The following OTOA variants were observed in gnomAD, a reference collection of about 807,000 sequenced individuals.
The protein encoded by OTOA is otoancorin, also known as cancer/testis antigen 108.
OTOA carries 70 observed loss-of-function variants against 110.8 expected under a neutral mutation model. That is an observed-to-expected ratio of 0.63 (90% CI 0.52 to 0.77). The LOEUF is 0.77. Among genes scored for constraint, OTOA ranks in the 30% least tolerant of loss-of-function variants. The pLI, the probability that OTOA is intolerant of heterozygous loss-of-function variation, is 0.00. For synonymous variants in OTOA, 373 were observed against 431.5 expected (o/e 0.86, Z 1.68); for missense variants, 917 against 1,075.8 (o/e 0.85, Z 2.06).
intron 12 of OTOA, among the ~76,000 whole-genome samples, chr16:21,708,034 G>A (rs977200690): frequency 1.3e-4 from 19 of 151,666 alleles, no homozygotes; most frequent in African/African-American, 3.6e-4. Context: ...CTCGTGATCC[G>A]CCTGCCATGG....
At chr16:21,756,286 T>C (rs551888213) in intron 27 of OTOA, among the ~76,000 whole-genome samples, 1 of 151,876 alleles carries the variant, frequency 6.6e-6, no homozygotes, top group African/African-American at 2.4e-5. Context: ...CCAACTCATG[T>C]TGTCCATAGC....
At chr16:21,693,123 G>T (rs1897865974) in intron 9 of OTOA, among the ~76,000 whole-genome samples, 1 of 151,998 alleles carries the variant, frequency 6.6e-6, no homozygotes, top group Admixed American at 6.6e-5. Flanking sequence ...CAAAAGCCAG[G>T]TGTGGTGGCG....
intron 2 of OTOA, 126 bp from the exon 3 acceptor site, chr16:21,678,789 A>G (rs1441341353): frequency 7.7e-6 from 10 of 1,293,456 alleles, no homozygotes; most frequent in Non-Finnish European, 1.0e-5. Context: ...GTGGACAGTT[A>G]TAATTAAAAT....
chr16:21,725,405 C>T (rs565349554), intron 18 of OTOA, among the ~76,000 whole-genome samples: 53 of 152,214 alleles, frequency 3.5e-4, no homozygotes, highest in Admixed American at 1.0e-3. Flanking sequence ...CCACTTCAGC[C>T]TCTAGAGTAG....
At chr16:21,714,207 CTCTT>C (rs1335905143) in intron 13 of OTOA, among the ~76,000 whole-genome samples, 2 of 151,098 alleles carry the variant, frequency 1.3e-5, no homozygotes, top group African/African-American at 2.5e-5. Context: ...TTCTTTCTTT[CTCTT>C]TCTTTCTCTC....
chr16:21,687,431 A>C lies in OTOA; in HGVS notation c.418A>C (p.Ile140Leu), dbSNP rs528287058. 1.4e-5 allele frequency: 22 copies of C among 1,614,044 alleles called. No homozygotes were observed. In the East Asian group the frequency reaches 4.7e-4, roughly 34 times the overall value. Reference protein sequence around the residue: ...KDGLDLKDIIIDLGEIRERAL... With the variant: ...KDGLDLKDIILDLGEIRERAL... ...GCTTTAGGACCTGAAAGACATCATC[A>C]TCGACTTAGGAGAGATTCGAGAACG... is the stretch of plus-strand genomic sequence containing the variant. The change falls in exon 8 of 29, where the codon ATC becomes CTC. Residue 140 changes from isoleucine (I) to leucine (L), a missense_variant. Coordinates refer to ENST00000646100, the MANE Select transcript of OTOA (RefSeq NM_144672.4).
chr16:21,684,765 A>ATTTTTT (rs10597623), intron 6 of OTOA, among the ~76,000 whole-genome samples: 15 of 33,824 alleles, frequency 4.4e-4, no homozygotes, highest in African/African-American at 1.1e-3. Context: ...TATTATTATT[A>ATTTTTT]TTTTTTAGGT....
intron 1 of OTOA, among the ~76,000 whole-genome samples, chr16:21,674,744 G>A (rs555926472): frequency 6.6e-6 from 1 of 151,242 alleles, no homozygotes; most frequent in South Asian, 2.1e-4. Context: ...CTTCCCATGT[G>A]TTTATTTGCT....
intron 9 of OTOA, among the ~76,000 whole-genome samples, chr16:21,693,580 A>G (rs1897876456): frequency 6.6e-6 from 1 of 152,092 alleles, no homozygotes; most frequent in Non-Finnish European, 1.5e-5. Flanking sequence ...GCGGCTATGA[A>G]GAAAATAAAA....
intron 18 of OTOA, 122 bp downstream of exon 18, chr16:21,723,100 C>T: frequency 1.1e-6 from 1 of 930,706 alleles, no homozygotes; most frequent in Non-Finnish European, 1.7e-6. Context: ...TGGAGGATGC[C>T]TTAGAGAGTT....
At chr16:21,695,891 A>ATATATATTTT (rs569493650) in intron 9 of OTOA, among the ~76,000 whole-genome samples, 26 of 41,896 alleles carry the variant, frequency 6.2e-4, no homozygotes, top group East Asian at 1.2e-3. Flanking sequence ...ATATATATAT[A>ATATATATTTT]TTTTTTTTTT....
At chr16:21,695,868 T>G (rs1238612662) in intron 9 of OTOA, among the ~76,000 whole-genome samples, 2 of 65,332 alleles carry the variant, frequency 3.1e-5, no homozygotes, top group African/African-American at 7.3e-5. Flanking sequence ...AGACTTGAGA[T>G]ATATATATAT....
intron 9 of OTOA, among the ~76,000 whole-genome samples, chr16:21,695,105 T>G (rs1391208644): frequency 1.3e-5 from 2 of 152,184 alleles, no homozygotes; most frequent in East Asian, 3.9e-4. Context: ...GTTAAAAATA[T>G]CCCAACCTTG....
At chr16:21,714,880 TA>T in intron 13 of OTOA, 104 bp from the exon 14 acceptor site, 5 of 1,461,172 alleles carry the variant, frequency 3.4e-6, no homozygotes, top group Non-Finnish European at 4.8e-6. Flanking sequence ...GCTGTGCCCC[TA>T]AGGTGTCACC....
rs530011814 is a variant in OTOA, at chr16:21,684,431, C to A, written c.268-799C>A. On this transcript the variant is annotated intron_variant, in intron 6 of 28. Transcript: ENST00000646100. Reference sequence around the variant, plus strand: ...GGGGCGCCACAGAGTATGTTCATTTCGCCTGTATTTTGCTCCTGCGCTGGT... The same window carrying A: ...GGGGCGCCACAGAGTATGTTCATTTAGCCTGTATTTTGCTCCTGCGCTGGT... 1.6e-3 allele frequency: 2,408 copies of A among 1,533,314 alleles called. 60 individuals are homozygous for A. The South Asian group carries it at 0.026, about 17-fold the overall frequency. The allele number at this position is 1,533,314 out of a possible 1,614,324, so 95.0% of individuals were successfully genotyped here.
intron 22 of OTOA, among the ~76,000 whole-genome samples, chr16:21,737,028 AC>A: frequency 6.6e-6 from 1 of 152,418 alleles, no homozygotes; most frequent in East Asian, 1.9e-4. Flanking sequence ...TCTGCCACTT[AC>A]TGGCTGTGTG....
chr16:21,725,730 G>A (rs1302992083), intron 18 of OTOA, among the ~76,000 whole-genome samples: 1 of 152,160 alleles, frequency 6.6e-6, no homozygotes, highest in East Asian at 1.9e-4. Flanking sequence ...TGAAGTGGTG[G>A]GGTTGAGTAG....
At chr16:21,716,391 G>A (rs950620280) in intron 14 of OTOA, among the ~76,000 whole-genome samples, 4 of 152,046 alleles carry the variant, frequency 2.6e-5, no homozygotes, top group African/African-American at 9.7e-5. Context: ...CCAACATGGT[G>A]AAACCCCGTC....
At chr16:21,747,048 C>T (rs1184271750) in intron 24 of OTOA, among the ~76,000 whole-genome samples, 4 of 151,466 alleles carry the variant, frequency 2.6e-5, no homozygotes, top group South Asian at 4.2e-4. Context: ...ACATAGTAGT[C>T]AATAAAAATT....
Sources: gnomAD v4.1 joint callset for allele counts (sites outside exome capture counted in the v4.1 genomes callset) on GRCh38, gnomAD v4.1.1 for gene constraint, MANE v1.5 for transcripts, NCBI Gene and HGNC (gene_info 2026-07-23, HGNC 2026-07-21) for gene names.